The following IRGQ variants were observed in gnomAD, a reference collection of about 807,000 sequenced individuals.
IRGQ encodes immunity-related GTPase family Q protein.
A neutral mutation model predicts 10.5 loss-of-function variants in IRGQ; 5 were observed. The observed-to-expected ratio is 0.48, with a 90% CI of 0.25 to 1.00. The LOEUF (loss-of-function observed/expected upper bound fraction) is 1.00. Ranked by LOEUF, IRGQ falls within the 50% of genes least tolerant of loss-of-function variation. The probability of loss-of-function intolerance (pLI) is 0.16; values close to 1 mark genes in which losing one functional copy is unlikely to be tolerated. For missense variants in IRGQ, 792 were observed against 877.7 expected, an observed-to-expected ratio of 0.90 and a Z score of 1.23; for synonymous variants, 418 against 426.0, an observed-to-expected ratio of 0.98 and a Z score of 0.23.
In IRGQ at chr19:43,595,079, C is replaced by T. The variant is rs897407079; in HGVS notation, c.260G>A (p.Gly87Glu). 8 of 1,612,046 alleles carry T rather than the reference C, an allele frequency of 5.0e-6. No individual in the cohort carries two copies. The highest frequency in any genetic ancestry group is 5.9e-6 in the Non-Finnish European group (7 of 1,179,216). Residue 87 changes from glycine to glutamate, a missense_variant, in exon 2 of 3, where the codon GGG becomes GAG. Gly to Glu is a moderately conservative substitution (Grantham distance 98, BLOSUM62 -2). Transcript: ENST00000422989. ...GGCTGGAGCCAACGGTTCCCCGTTC[C>T]CCTCGGGTCCGGGCAGCACCAGTAC... The part of the protein sequence containing the change: ...VLVLVLPGPE[G>E]NGEPLAPALG...
Position 43,588,963 on chromosome 19 carries a change from T to C in IRGQ, c.*3063A>G, listed in dbSNP as rs1973025690. On this transcript the variant is annotated 3_prime_UTR_variant, in exon 3 of 3. Transcript: ENST00000422989. ...TTCCCCATGGTAGCTATCTCAACTTTGAAGGGACAAATTTTGTCAGCAGTG... is the reference window on the plus strand; with the variant it reads ...TTCCCCATGGTAGCTATCTCAACTTCGAAGGGACAAATTTTGTCAGCAGTG... The C allele has an allele frequency of 6.6e-6, 1 of 152,252 alleles. No individual in the cohort carries two copies. Among genetic ancestry groups the C allele is most frequent in the South Asian group, 2.1e-4 (1 of 4,836 alleles). 9.4% of individuals were successfully genotyped at this position (152,252 alleles called of 1,614,324 possible).
At position 43,584,576 on chromosome 19, in the gene IRGQ, T is replaced by G. The variant is rs974555665; in HGVS notation, c.*7450A>C. ...CACACACAGAGAGAACAAGTCTGTA[T>G]TAGTTGCTTTTGCTACATAACAAAC... On this transcript the variant is annotated 3_prime_UTR_variant, in exon 3 of 3. Transcript: ENST00000422989. The G allele has an allele frequency of 1.3e-5, 2 of 152,236 alleles. No individual in the cohort carries two copies. Among genetic ancestry groups the G allele is most frequent in the African/African-American group, 4.8e-5 (2 of 41,464 alleles). 9.4% of individuals were successfully genotyped at this position (152,236 alleles called of 1,614,324 possible).
rs901702896 is a variant in IRGQ, at chr19:43,586,776, T to C, written c.*5250A>G. ...ACTATGTTATGTGTCTGTGTGCATA[T>C]TGTGTGCCTGCATGTACATACATAC... On this transcript the variant is annotated 3_prime_UTR_variant, in exon 3 of 3. Coordinates refer to ENST00000422989, the MANE Select transcript of IRGQ (RefSeq NM_001007561.3). The C allele has an allele frequency of 1.3e-5, 2 of 152,176 alleles. No individual in the cohort carries two copies. The highest frequency in any genetic ancestry group is 6.5e-5 in the Admixed American group (1 of 15,272). The allele number at this position is 152,176 out of a possible 1,614,324, so 9.4% of individuals were successfully genotyped here.
rs963218168 is a variant in IRGQ at position 43,589,670 on chromosome 19, C to G, written c.*2356G>C. 1 of 152,212 alleles carries G rather than the reference C, an allele frequency of 6.6e-6. No individual in the cohort carries two copies. Among genetic ancestry groups the G allele is most frequent in the Non-Finnish European group, 1.5e-5 (1 of 68,058 alleles). 9.4% of individuals were successfully genotyped at this position (152,212 alleles called of 1,614,324 possible). ...GCTGGGGAAACAACAGAGAACAGGA[C>G]AGGCAACGGGTCAAAAGCCAATAAA... On this transcript the variant is annotated 3_prime_UTR_variant, in exon 3 of 3. Coordinates refer to ENST00000422989, the MANE Select transcript of IRGQ (RefSeq NM_001007561.3).
chr19:43,594,045 A>G (rs427115), intron 2 of IRGQ, among the ~76,000 whole-genome samples: 107,076 of 152,168 alleles, frequency 0.7, 38,032 homozygotes, highest in African/African-American at 0.78. Context: ...GCACAGAAAC[A>G]AGAGGGAGCT....
chr19:43,584,404 T>C lies in IRGQ; in HGVS notation c.*7622A>G, dbSNP rs943493061. ...TTTTCATTTTATTTTCACAACTCTA[T>C]GTCATAGGCACTATTATTCACATCT... On this transcript the variant is annotated 3_prime_UTR_variant, in exon 3 of 3. Coordinates refer to ENST00000422989, the MANE Select transcript of IRGQ (RefSeq NM_001007561.3). The C allele has an allele frequency of 6.6e-6, 1 of 152,202 alleles. No homozygotes were observed. The highest frequency in any genetic ancestry group is 1.5e-5 in the Non-Finnish European group (1 of 68,038). The allele number at this position is 152,202 out of a possible 1,614,324, so 9.4% of individuals were successfully genotyped here.
chr19:43,591,904 C>T lies in IRGQ; in HGVS notation c.*122G>A. 1.1e-6 allele frequency: 1 copy of T among 894,244 alleles called. No individual in the cohort carries two copies. The highest frequency in any genetic ancestry group is 1.7e-6 in the Non-Finnish European group (1 of 597,756). The allele number at this position is 894,244 out of a possible 1,614,324, so 55.4% of individuals were successfully genotyped here. On this transcript the variant is annotated 3_prime_UTR_variant, in exon 3 of 3. Transcript: ENST00000422989. ...TTCCTGTCCCCCAGACTCTCTGAAT[C>T]CAGGTGATAAGAAGTCACACATCCC...
rs867644664 is a variant in IRGQ, at chr19:43,592,521, C to A, written c.1377G>T (p.Leu459=). ...TGGGAGATGCTGGTGGCAACGCCAG[C>A]AGCAGTGCCCCTGCCTGGGCTGGGG... ...ALPPAQAGAL[L]LALPPASPSA... is the part of the protein sequence containing the mutation. The change falls in exon 3 of 3, where the codon CTG becomes CTT. Residue 459 remains leucine (L), a synonymous_variant. Coordinates refer to ENST00000422989, the MANE Select transcript of IRGQ (RefSeq NM_001007561.3). 1.9e-6 allele frequency: 3 copies of A among 1,596,292 alleles called. No homozygotes were observed. The highest frequency in any genetic ancestry group is 1.7e-4 in the Middle Eastern group (1 of 5,842).
chr19:43,589,521 G>A lies in IRGQ; in HGVS notation c.*2505C>T, dbSNP rs536599396. The stretch of plus-strand genomic sequence containing the variant: ...GAGCCCAGGAGTTGGAGATGGCAGT[G>A]AGCCATGATCATCCCACTGTATTCC... On this transcript the variant is annotated 3_prime_UTR_variant, in exon 3 of 3. Coordinates refer to ENST00000422989, the MANE Select transcript of IRGQ (RefSeq NM_001007561.3). The A allele has an allele frequency of 6.6e-6, 1 of 152,250 alleles. No individual in the cohort carries two copies. Among genetic ancestry groups the A allele is most frequent in the South Asian group, 2.1e-4 (1 of 4,824 alleles). 9.4% of individuals were successfully genotyped at this position (152,250 alleles called of 1,614,324 possible). A position where few individuals can be genotyped will look rare whatever the true frequency, so the allele number is the denominator to read the frequency against.
At position 43,596,115 on chromosome 19, in the gene IRGQ, C is replaced by T. The variant is rs959816227; in HGVS notation, c.-136G>A. 2.6e-5 allele frequency: 4 copies of T among 152,206 alleles called. No homozygotes were observed. Among genetic ancestry groups the T allele is most frequent in the Non-Finnish European group, 4.4e-5 (3 of 68,046 alleles). The allele number at this position is 152,206 out of a possible 1,614,324, so 9.4% of individuals were successfully genotyped here. A position where few individuals can be genotyped will look rare whatever the true frequency, so the allele number is the denominator to read the frequency against. On this transcript the variant is annotated 5_prime_UTR_variant, in exon 1 of 3. Coordinates refer to ENST00000422989, the MANE Select transcript of IRGQ (RefSeq NM_001007561.3). Reference sequence around the variant, plus strand: ...GCGGTGATTTAGAGATGCCGGGACCCGTCCCGGTAGCTTTAACCTGACGTC... The same window carrying T: ...GCGGTGATTTAGAGATGCCGGGACCTGTCCCGGTAGCTTTAACCTGACGTC...
In IRGQ at chr19:43,589,761, T is replaced by G. The variant is rs1017605946; in HGVS notation, c.*2265A>C. ...TACAAGGAAACTCAACTGGCCGAAATGAATAGTGGGGGAATGTGAGCTACT... is the reference window on the plus strand; with the variant it reads ...TACAAGGAAACTCAACTGGCCGAAAGGAATAGTGGGGGAATGTGAGCTACT... On this transcript the variant is annotated 3_prime_UTR_variant, in exon 3 of 3. Coordinates refer to ENST00000422989, the MANE Select transcript of IRGQ (RefSeq NM_001007561.3). 3.3e-5 allele frequency: 5 copies of G among 151,962 alleles called. No individual in the cohort carries two copies. The highest frequency in any genetic ancestry group is 1.2e-4 in the African/African-American group (5 of 41,338). The allele number at this position is 151,962 out of a possible 1,614,324, so 9.4% of individuals were successfully genotyped here. A position where few individuals can be genotyped will look rare whatever the true frequency, so the allele number is the denominator to read the frequency against.
At position 43,592,238 on chromosome 19, in the gene IRGQ, C is replaced by A; in HGVS notation, c.1660G>T (p.Ala554Ser). 1 of 1,580,348 alleles carries A rather than the reference C, an allele frequency of 6.3e-7. No homozygotes were observed. The highest frequency in any genetic ancestry group is 8.5e-7 in the Non-Finnish European group (1 of 1,170,898). The change falls in exon 3 of 3, where the codon GCC (alanine) becomes TCC (serine). Residue 554 changes from alanine to serine, a missense_variant. Transcript: ENST00000422989. The stretch of plus-strand genomic sequence containing the variant: ...GCGCCCAGTCTTGCTTCCACCTCGG[C>A]GCGCGTCACCGGGCCTGGGAAATGA... ...RAHFPGPVTR[A>S]EVEARLGAWA...
In IRGQ at chr19:43,591,857, A is replaced by AAG. The variant is rs1345559707; in HGVS notation, c.*168_*169insCT. On this transcript the variant is annotated 3_prime_UTR_variant, in exon 3 of 3. Transcript: ENST00000422989. ...GAGACTTCGTCTCACAAAAAAAAGA[A>AAG]AAAAAAAAAAAAAAATCAGGATTCC... 1.5e-5 allele frequency: 9 copies of AAG among 591,322 alleles called. No homozygotes were observed. The highest frequency in any genetic ancestry group is 4.0e-5 in the South Asian group (1 of 24,866). The allele number at this position is 591,322 out of a possible 1,614,324, so 36.6% of individuals were successfully genotyped here.
rs1411614203 is a variant in IRGQ at position 43,591,804 on chromosome 19, C to T, written c.*222G>A. On this transcript the variant is annotated 3_prime_UTR_variant, in exon 3 of 3. Coordinates refer to ENST00000422989, the MANE Select transcript of IRGQ (RefSeq NM_001007561.3). ...CGGAGGTTGCAGTGAGCCGAGGTCG[C>T]GCCATTGCACTCCAGCCTGGGCAAC... 9 of 432,400 alleles carry T rather than the reference C, an allele frequency of 2.1e-5. No homozygotes were observed. Among genetic ancestry groups the T allele is most frequent in the South Asian group, 1.8e-4 (3 of 16,324 alleles). The allele number at this position is 432,400 out of a possible 1,614,324, so 26.8% of individuals were successfully genotyped here. A position where few individuals can be genotyped will look rare whatever the true frequency, so the allele number is the denominator to read the frequency against.
At chr19:43,595,440 G>A (rs1243799767) in intron 1 of IRGQ, 100 bp from the exon 2 acceptor site, 2 of 1,111,518 alleles carry the variant, frequency 1.8e-6, no homozygotes, top group Admixed American at 2.9e-5. Context: ...CCTTCACCCT[G>A]TCCCCTTCGG....
rs896641055 is a variant in IRGQ at position 43,589,039 on chromosome 19, G to C, written c.*2987C>G. 6.6e-6 allele frequency: 1 copy of C among 152,186 alleles called. No individual in the cohort carries two copies. Among genetic ancestry groups the C allele is most frequent in the African/African-American group, 2.4e-5 (1 of 41,442 alleles). The allele number at this position is 152,186 out of a possible 1,614,324, so 9.4% of individuals were successfully genotyped here. ...CCATCCCTTGTCTGCCCTTGGATCA[G>C]TTACCTTTGTCTTCAGCTTTTAAGG... is the stretch of plus-strand genomic sequence containing the variant. On this transcript the variant is annotated 3_prime_UTR_variant, in exon 3 of 3. Transcript: ENST00000422989.
Position 43,593,445 on chromosome 19 carries a change from A to G in IRGQ, c.531-78T>C, listed in dbSNP as rs958823269. ...TGGACTGGGCTATGATGACAAGGGC[A>G]GAGCTTTCCTAATGATCCCAGAATG... On this transcript the variant is annotated intron_variant, in intron 2 of 2. Transcript: ENST00000422989. The surrounding 1 kb of genome is among the most constrained non-coding windows in gnomAD (Gnocchi z 6.4). 2 of 1,385,412 alleles carry G rather than the reference A, an allele frequency of 1.4e-6. No homozygotes were observed. The highest frequency in any genetic ancestry group is 1.9e-6 in the Non-Finnish European group (2 of 1,052,262). The allele number at this position is 1,385,412 out of a possible 1,614,324, so 85.8% of individuals were successfully genotyped here.
chr19:43,595,395 T>G, intron 1 of IRGQ, 55 bp from the exon 2 acceptor site: 1 of 1,477,480 alleles, frequency 6.8e-7, no homozygotes, highest in South Asian at 1.4e-5. Context: ...GCCTTTTCCT[T>G]TCCTAGCCGC....
Position 43,593,055 on chromosome 19 carries a change from G to T in IRGQ, c.843C>A (p.His281Gln). ...CGGCCGCGGTGGTGGCAGTGCCCGT[G>T]TGGCCCAGAGGCACGGTCCAGAGCA... ...NVVLWTVPLG[H>Q]TGTATTAAAA... Residue 281 changes from histidine to glutamine, a missense_variant, in exon 3 of 3, where the codon CAC (histidine) becomes CAA (glutamine). Transcript: ENST00000422989. The surrounding 1 kb of genome is among the most constrained non-coding windows in gnomAD (Gnocchi z 6.4). 6.2e-7 allele frequency: 1 copy of T among 1,605,584 alleles called. No homozygotes were observed.
Sources: allele counts gnomAD v4.1 joint callset (sites outside exome capture counted in the v4.1 genomes callset), GRCh38; gene constraint gnomAD v4.1.1; non-coding constraint Gnocchi (gnomAD v3.1); transcripts MANE v1.5; gene names NCBI Gene and HGNC (gene_info 2026-07-23, HGNC 2026-07-21).